Variants in FBP2 observed in about 807,000 individuals in gnomAD.
FBP2 encodes the protein fructose-bisphosphatase 2.
Under a neutral mutation model 31.6 loss-of-function variants are expected in FBP2, and 27 were observed. The observed-to-expected ratio is 0.85, with a 90% CI of 0.63 to 1.18. The LOEUF (loss-of-function observed/expected upper bound fraction) is 1.18, where lower values mean the gene tolerates loss of function less well. FBP2 is among the 50% of genes most tolerant of loss of function. The pLI, the probability that FBP2 is intolerant of heterozygous loss-of-function variation, is 0.00. For synonymous variants in FBP2, 168 were observed against 179.8 expected, an observed-to-expected ratio of 0.93 and a Z score of 0.53; for missense variants, 421 against 436.1, an observed-to-expected ratio of 0.97 and a Z score of 0.31.
chr9:94,586,476 G>A (rs2131459348), intron 2 of FBP2, among the ~76,000 whole-genome samples: 1 of 152,300 alleles, frequency 6.6e-6, no homozygotes, highest in Admixed American at 6.5e-5. Flanking sequence ...GAAGACAATG[G>A]TAGATCAGAC....
At chr9:94,566,313 AC>A (rs750601380) in intron 5 of FBP2, among the ~76,000 whole-genome samples, 62 of 152,248 alleles carry the variant, frequency 4.1e-4, no homozygotes, top group Non-Finnish European at 7.5e-4. Context: ...TTTTGGGTTT[AC>A]CGGAATGAGG....
chr9:94,576,337 G>A (rs1827314316), intron 3 of FBP2, among the ~76,000 whole-genome samples: 1 of 152,142 alleles, frequency 6.6e-6, no homozygotes, highest in African/African-American at 2.4e-5. Context: ...CCCTTTACTA[G>A]TTGTGGTTAA....
chr9:94,568,386 AC>A (rs886118235), intron 4 of FBP2: 7 of 151,992 alleles, frequency 4.6e-5, no homozygotes, highest in Non-Finnish European at 8.8e-5. Context: ...TCTCTCAAAT[AC>A]CCCTATGTCT....
chr9:94,572,072 G>A (rs1236941957), intron 3 of FBP2, among the ~76,000 whole-genome samples: 7 of 152,076 alleles, frequency 4.6e-5, no homozygotes, highest in Non-Finnish European at 7.4e-5. Context: ...CAGCTGGAGC[G>A]GCTGCACAAC....
At chr9:94,590,730 G>A (rs1194905932) in intron 1 of FBP2, among the ~76,000 whole-genome samples, 1 of 152,214 alleles carries the variant, frequency 6.6e-6, no homozygotes, top group Non-Finnish European at 1.5e-5. Flanking sequence ...GACCCAAACG[G>A]GTTGCCGATG....
rs761904090 is a variant in FBP2 at position 94,593,752 on chromosome 9, T to G, written c.-26A>C. 1.2e-5 allele frequency: 19 copies of G among 1,612,132 alleles called. No individual in the cohort carries two copies. The South Asian group carries it at 2.1e-4, about 18-fold the overall frequency. On this transcript the variant is annotated 5_prime_UTR_variant, in exon 1 of 7. Coordinates refer to ENST00000375337, the MANE Select transcript of FBP2 (RefSeq NM_003837.4). Reference sequence around the variant, plus strand: ...TTTGGCTGGAATGCTTCAAATCCTTTTCTCCCGGCAGGAAACCTTGCTTAC... The same window carrying G: ...TTTGGCTGGAATGCTTCAAATCCTTGTCTCCCGGCAGGAAACCTTGCTTAC...
chr9:94,571,401 C>T (rs559659069), intron 4 of FBP2, 61 bp downstream of exon 4: 7 of 1,469,916 alleles, frequency 4.8e-6, no homozygotes, highest in Admixed American at 2.1e-5. Context: ...AGAGAACTGG[C>T]ATTAAGGCAC....
chr9:94,589,267 C>T (rs79813405), intron 1 of FBP2, among the ~76,000 whole-genome samples: 11,782 of 152,240 alleles, frequency 0.077, 556 homozygotes, highest in Middle Eastern at 0.15. Context: ...ACCCAGCAAG[C>T]GGCTCTGGTC....
At chr9:94,566,246 A>G (rs1827187845) in intron 5 of FBP2, among the ~76,000 whole-genome samples, 1 of 152,242 alleles carries the variant, frequency 6.6e-6, no homozygotes, top group Non-Finnish European at 1.5e-5. Flanking sequence ...GGCCATAAAC[A>G]AAGTCTCTGC....
chr9:94,586,250 C>T (rs1228607151), intron 2 of FBP2, among the ~76,000 whole-genome samples: 1 of 152,138 alleles, frequency 6.6e-6, no homozygotes, highest in Non-Finnish European at 1.5e-5. Context: ...TGGCGCATGC[C>T]TGTAATCCCA....
rs1029786791 is a variant in FBP2, at chr9:94,558,948, G to T, written c.1010C>A (p.Ala337Glu). The change falls in exon 7 of 7, where the codon GCA becomes GAA. Residue 337 changes from alanine to glutamate, a missense_variant. Transcript: ENST00000375337. ...EYLTCVQKNQ[A>E]GS ...GTGGGGTCAAACTCGCTAGCTGCCT[G>T]CCTGATTTTTCTGCACACAGGTGAG... 6 of 1,614,040 alleles carry T rather than the reference G, an allele frequency of 3.7e-6. No individual in the cohort carries two copies. Among genetic ancestry groups the T allele is most frequent in the Non-Finnish European group, 5.1e-6 (6 of 1,180,004 alleles).
Position 94,558,929 on chromosome 9 carries a change from T to A in FBP2, c.*9A>T, listed in dbSNP as rs373828719. On this transcript the variant is annotated 3_prime_UTR_variant, in exon 7 of 7. Coordinates refer to ENST00000375337, the MANE Select transcript of FBP2 (RefSeq NM_003837.4). ...GACAAACAGAAGAGGGCATGTGGGGTCAAACTCGCTAGCTGCCTGCCTGAT... is the reference window on the plus strand; with the variant it reads ...GACAAACAGAAGAGGGCATGTGGGGACAAACTCGCTAGCTGCCTGCCTGAT... 37 of 1,613,696 alleles carry A rather than the reference T, an allele frequency of 2.3e-5. No homozygotes were observed. In the African/African-American group the frequency reaches 4.5e-4, roughly 20 times the overall value.
At chr9:94,575,352 GTTTGGAACATCATCTA>G (rs1018788489) in intron 3 of FBP2, among the ~76,000 whole-genome samples, 49 of 152,002 alleles carry the variant, frequency 3.2e-4, no homozygotes, top group African/African-American at 1.1e-3. Context: ...ACTTTATCTG[GTTTGGAACATCATCTA>G]AATGAAATGA....
chr9:94,586,264 A>G (rs915677653), intron 2 of FBP2, among the ~76,000 whole-genome samples: 6 of 152,078 alleles, frequency 3.9e-5, no homozygotes, highest in East Asian at 1.9e-4. Flanking sequence ...AATCCCAGCT[A>G]CTCAGGAGGC....
At chr9:94,575,356 G>C (rs953090269) in intron 3 of FBP2, among the ~76,000 whole-genome samples, 1 of 151,988 alleles carries the variant, frequency 6.6e-6, no homozygotes, top group African/African-American at 2.4e-5. Context: ...TATCTGGTTT[G>C]GAACATCATC....
At position 94,567,321 on chromosome 9, in the gene FBP2, C is replaced by T. The variant is rs765587674; in HGVS notation, c.654G>A (p.Lys218=). The T allele has an allele frequency of 1.4e-5, 23 of 1,614,098 alleles. No individual in the cohort carries two copies. Among genetic ancestry groups the T allele is most frequent in the Non-Finnish European group, 1.8e-5 (21 of 1,180,040 alleles). The change falls in exon 5 of 7, where the codon AAG becomes AAA. Residue 218 remains lysine (K), a synonymous_variant. Transcript: ENST00000375337. The part of the protein sequence containing the change: ...KIYSLNEGYA[K]YFDAATTEYV... Reference sequence around the variant, plus strand: ...ATTCAGTGGTGGCCGCATCAAAATACTTGGCATAGCCCTCATTCAGGCTGT... The same window carrying T: ...ATTCAGTGGTGGCCGCATCAAAATATTTGGCATAGCCCTCATTCAGGCTGT...
intron 2 of FBP2, among the ~76,000 whole-genome samples, chr9:94,585,450 G>C (rs1469322051): frequency 1.3e-5 from 2 of 151,704 alleles, no homozygotes; most frequent in Non-Finnish European, 2.9e-5. Flanking sequence ...AGAACAGACA[G>C]AGAGCACACA....
chr9:94,593,818 A>C lies in FBP2; in HGVS notation c.-92T>G. On this transcript the variant is annotated 5_prime_UTR_variant, in exon 1 of 7. In the 5' UTR this introduces an upstream ATG that the reference lacks. Transcript: ENST00000375337. ...CTCCGCAGTGTGGAAGCCGATAAGAAATCTGTGCTGGCCCTGCCAGGATCT... is the reference window on the plus strand; with the variant it reads ...CTCCGCAGTGTGGAAGCCGATAAGACATCTGTGCTGGCCCTGCCAGGATCT... 3 of 1,426,172 alleles carry C rather than the reference A, an allele frequency of 2.1e-6. No individual in the cohort carries two copies. Among genetic ancestry groups the C allele is most frequent in the Non-Finnish European group, 2.9e-6 (3 of 1,039,850 alleles). 88.3% of individuals were successfully genotyped at this position (1,426,172 alleles called of 1,614,324 possible).
At chr9:94,592,125 G>A (rs201371102) in intron 1 of FBP2, among the ~76,000 whole-genome samples, 1 of 152,192 alleles carries the variant, frequency 6.6e-6, no homozygotes, top group East Asian at 1.9e-4. Context: ...CAGCAGGGCT[G>A]TCACCCACAG....
Sources: gnomAD v4.1 joint callset for allele counts (sites outside exome capture counted in the v4.1 genomes callset) on GRCh38, gnomAD v4.1.1 for gene constraint, MANE v1.5 for transcripts, NCBI Gene and HGNC (gene_info 2026-07-23, HGNC 2026-07-21) for gene names.